PRP4K: variants seen among roughly 807,000 people sequenced by gnomAD.
PRP4K encodes serine/threonine-protein kinase PRP4 homolog.
the PRP4K span, chr6:4,047,114 C>T: frequency 3.5e-6 from 5 of 1,424,840 alleles, no homozygotes; most frequent in Non-Finnish European, 4.9e-6. Flanking sequence ...TTCCCATTCA[C>T]TTATTTTGTG....
the PRP4K span, among the ~76,000 whole-genome samples, chr6:4,045,880 AATC>A: frequency 6.6e-6 from 1 of 152,036 alleles, no homozygotes; most frequent in Admixed American, 6.6e-5. Context: ...GTTTTTTAGG[AATC>A]ATCTTTTTTT....
chr6:4,021,606 A>T, the PRP4K span: 13 of 1,197,258 alleles, frequency 1.1e-5, no homozygotes, highest in African/African-American at 3.0e-5. Flanking sequence ...GTGGGGTGGG[A>T]GGCATGGGGA....
the PRP4K span, chr6:4,021,588 G>T: frequency 1.5e-6 from 2 of 1,376,452 alleles, no homozygotes; most frequent in South Asian, 1.3e-5. Context: ...TTTCCGGCGC[G>T]ATTCGTTGTG....
chr6:4,025,869 T>C, the PRP4K span, among the ~76,000 whole-genome samples: 1 of 152,152 alleles, frequency 6.6e-6, no homozygotes, highest in Non-Finnish European at 1.5e-5. Context: ...AGTCAGAAAA[T>C]AGGTGTGTGC....
At chr6:4,034,149 A>G in the PRP4K span, among the ~76,000 whole-genome samples, 2 of 127,790 alleles carry the variant, frequency 1.6e-5, no homozygotes, top group East Asian at 2.6e-4. Flanking sequence ...TAACATGAAT[A>G]TAAGGGAATT....
At chr6:4,055,145 A>G in the PRP4K span, among the ~76,000 whole-genome samples, 1 of 152,218 alleles carries the variant, frequency 6.6e-6, no homozygotes, top group African/African-American at 2.4e-5. Flanking sequence ...GAAGTTGTGT[A>G]GCAAACTGAA....
At chr6:4,027,482 G>C in the PRP4K span, among the ~76,000 whole-genome samples, 1 of 151,818 alleles carries the variant, frequency 6.6e-6, no homozygotes, top group Non-Finnish European at 1.5e-5. Context: ...TATGCTCTTT[G>C]ATGCTGTTCC....
the PRP4K span, chr6:4,044,186 G>T: frequency 1.5e-6 from 1 of 647,836 alleles, no homozygotes; most frequent in Non-Finnish European, 2.6e-6. Context: ...CCTTAGAAAT[G>T]TTCTCTATAA....
At chr6:4,056,995 TTCTCTA>T in the PRP4K span, 1 of 1,488,026 alleles carries the variant, frequency 6.7e-7, no homozygotes, top group South Asian at 1.3e-5. Flanking sequence ...GTCGTCAGTT[TTCTCTA>T]TCCTCGTATA....
the PRP4K span, among the ~76,000 whole-genome samples, chr6:4,028,333 G>A: frequency 6.6e-6 from 1 of 151,918 alleles, no homozygotes; most frequent in East Asian, 1.9e-4. Context: ...TCAGCCTTTT[G>A]AGTAACTGGG....
the PRP4K span, among the ~76,000 whole-genome samples, chr6:4,045,599 A>C: frequency 0.051 from 7,826 of 152,276 alleles, 661 homozygotes; most frequent in African/African-American, 0.18. Context: ...GGGGTTTATT[A>C]ACTTATGATT....
At chr6:4,045,414 C>G in the PRP4K span, among the ~76,000 whole-genome samples, 1 of 152,170 alleles carries the variant, frequency 6.6e-6, no homozygotes, top group African/African-American at 2.4e-5. Context: ...GCAGAATCAG[C>G]TATTTCTCCA....
chr6:4,052,908 G>C, the PRP4K span: 1 of 1,553,494 alleles, frequency 6.4e-7, no homozygotes, highest in Non-Finnish European at 8.7e-7. Context: ...TGTACATCTT[G>C]AACATACATT....
chr6:4,041,744 A>C, the PRP4K span, among the ~76,000 whole-genome samples: 15,320 of 152,018 alleles, frequency 0.1, 1,091 homozygotes, highest in African/African-American at 0.2. Context: ...ATAACCCCCC[A>C]CACACACACA....
chr6:4,037,464 T>G, the PRP4K span: 1 of 1,614,112 alleles, frequency 6.2e-7, no homozygotes, highest in Non-Finnish European at 8.5e-7. Flanking sequence ...CATCAATAGA[T>G]GGTCTCCAAC....
chr6:4,042,052 T>C, the PRP4K span, among the ~76,000 whole-genome samples: 1 of 152,224 alleles, frequency 6.6e-6, no homozygotes, highest in Non-Finnish European at 1.5e-5. Context: ...AATATTTGCA[T>C]GTGCATTTTT....
At chr6:4,032,180 A>G in the PRP4K span, 1 of 1,613,980 alleles carries the variant, frequency 6.2e-7, no homozygotes, top group African/African-American at 1.3e-5. Flanking sequence ...AGGAGAGGAA[A>G]AAATCTAAAA....
chr6:4,032,349 C>G, the PRP4K span: 2 of 1,613,816 alleles, frequency 1.2e-6, no homozygotes, highest in Non-Finnish European at 1.7e-6. Flanking sequence ...GAAAAAATCC[C>G]CAATTATAAA....
the PRP4K span, chr6:4,049,790 A>G: frequency 1.2e-6 from 2 of 1,613,716 alleles, no homozygotes; most frequent in African/African-American, 2.7e-5. Context: ...ACACTGGGCA[A>G]GGTGTATTCA....
Sources: allele counts gnomAD v4.1 joint callset (sites outside exome capture counted in the v4.1 genomes callset), GRCh38; gene constraint gnomAD v4.1.1; transcripts MANE v1.5; gene names NCBI Gene and HGNC (gene_info 2026-07-23, HGNC 2026-07-21).